The following KIF1B variants were observed in gnomAD, a reference collection of about 807,000 sequenced individuals.
KIF1B encodes the protein kinesin-like protein KIF1B.
KIF1B carries 76 observed loss-of-function variants against 241.9 expected under a neutral mutation model. The ratio of observed to expected loss-of-function variants is 0.31; its 90% CI spans 0.26 to 0.38. The LOEUF is 0.38. Ranked by LOEUF, KIF1B falls within the 10% of genes least tolerant of loss-of-function variation. The pLI is 1.00. For synonymous variants in KIF1B, 750 were observed against 796.7 expected (o/e 0.94, Z 0.99); for missense variants, 1,622 against 2,271.4 (o/e 0.71, Z 5.81).
chr1:10,305,397 A>G (rs150552159), intron 22 of KIF1B: 335 of 1,054,160 alleles, frequency 3.2e-4, no homozygotes, highest in Middle Eastern at 4.3e-4. Flanking sequence ...TTGAAGTTCA[A>G]TGTATCATTT....
chr1:10,290,283 T>C (rs1649928489), intron 15 of KIF1B, among the ~76,000 whole-genome samples: 1 of 152,150 alleles, frequency 6.6e-6, no homozygotes, highest in Non-Finnish European at 1.5e-5. Flanking sequence ...TTTTAAACCC[T>C]GTATGCATTA....
chr1:10,350,228 G>C (rs1652740787), intron 37 of KIF1B, among the ~76,000 whole-genome samples: 1 of 151,574 alleles, frequency 6.6e-6, no homozygotes, highest in Non-Finnish European at 1.5e-5. Context: ...GACAGAGGTT[G>C]CAGTGAGCCA....
intron 2 of KIF1B, among the ~76,000 whole-genome samples, chr1:10,233,486 A>G (rs548610011): frequency 2.6e-4 from 39 of 152,228 alleles, no homozygotes; most frequent in Admixed American, 6.5e-4. Context: ...CTTCAAAAAA[A>G]GGGTCTGTTT....
At chr1:10,324,191 G>T in intron 25 of KIF1B, 129 bp downstream of exon 25, 1 of 900,132 alleles carries the variant, frequency 1.1e-6, no homozygotes, top group South Asian at 1.4e-5. Flanking sequence ...TCTAAATGCT[G>T]TTGTTGGCCA....
intron 17 of KIF1B, among the ~76,000 whole-genome samples, 190 bp from the exon 18 acceptor site, chr1:10,294,896 T>G (rs1324232724): frequency 6.6e-6 from 1 of 152,136 alleles, no homozygotes; most frequent in Non-Finnish European, 1.5e-5. Context: ...TAGAATGCAC[T>G]TGGTTCCGTT....
chr1:10,340,708 G>A (rs1446583018), intron 32 of KIF1B, among the ~76,000 whole-genome samples: 1 of 152,146 alleles, frequency 6.6e-6, no homozygotes, highest in African/African-American at 2.4e-5. Flanking sequence ...CCCAGGATGG[G>A]GGGGTTGCAG....
At chr1:10,219,515 G>C (rs529355215) in intron 1 of KIF1B, among the ~76,000 whole-genome samples, 23 of 151,894 alleles carry the variant, frequency 1.5e-4, no homozygotes, top group African/African-American at 5.3e-4. Context: ...CCAGCACTTC[G>C]GGAGGCCGAG....
At chr1:10,370,333 C>A (rs949527091) in intron 44 of KIF1B, among the ~76,000 whole-genome samples, 2 of 151,910 alleles carry the variant, frequency 1.3e-5, no homozygotes, top group Non-Finnish European at 2.9e-5. Context: ...AGGTCAAGGT[C>A]GATGGATCTC....
intron 1 of KIF1B, among the ~76,000 whole-genome samples, chr1:10,223,081 G>A (rs1646865569): frequency 6.6e-6 from 1 of 152,106 alleles, no homozygotes; most frequent in African/African-American, 2.4e-5. Context: ...GTGAAACTCT[G>A]TCTCTACTAA....
At position 10,227,033 on chromosome 1, in the gene KIF1B, T is replaced by A. The variant is rs1646917614; in HGVS notation, c.-79-5217T>A. ...GGTTGATAAATAACGCAAGTCTCTCTTTTTTTTTTTTTTTTTTTTTTGAGA... is the reference window on the plus strand; with the variant it reads ...GGTTGATAAATAACGCAAGTCTCTCATTTTTTTTTTTTTTTTTTTTTGAGA... On this transcript the variant is annotated intron_variant, in intron 1 of 48. Coordinates refer to ENST00000676179, the MANE Select transcript of KIF1B (RefSeq NM_001365951.3). Among the ~76,000 whole-genome samples the A allele has an allele frequency of 2.6e-4, 7 of 26,624 alleles. No homozygotes were observed. The South Asian group carries it at 6.5e-3, about 25-fold the overall frequency. 17.5% of individuals were successfully genotyped at this position (26,624 alleles called of 152,430 possible).
At chr1:10,244,938 G>A (rs536052706) in intron 2 of KIF1B, among the ~76,000 whole-genome samples, 1 of 152,160 alleles carries the variant, frequency 6.6e-6, no homozygotes, top group Non-Finnish European at 1.5e-5. Flanking sequence ...GTTGCTCTAG[G>A]AGGCTTTTAG....
At chr1:10,277,048 T>G (rs1649151128) in intron 12 of KIF1B, among the ~76,000 whole-genome samples, 1 of 149,362 alleles carries the variant, frequency 6.7e-6, no homozygotes, top group Non-Finnish European at 1.5e-5. Flanking sequence ...GCCACTGCAC[T>G]CCAGCCTGGA....
At chr1:10,371,921 G>A (rs1451559645) in intron 45 of KIF1B, among the ~76,000 whole-genome samples, 1 of 152,058 alleles carries the variant, frequency 6.6e-6, no homozygotes. Context: ...GGGCGACAGA[G>A]CAAGACCCTG....
chr1:10,257,287 A>G (rs1311413889), intron 3 of KIF1B, among the ~76,000 whole-genome samples: 1 of 132,218 alleles, frequency 7.6e-6, no homozygotes, highest in Non-Finnish European at 1.6e-5. Flanking sequence ...GAAAGATGAT[A>G]CCGTGCCTCT....
chr1:10,234,891 C>CTT (rs947042515), intron 2 of KIF1B, among the ~76,000 whole-genome samples: 1 of 142,812 alleles, frequency 7.0e-6, no homozygotes, highest in African/African-American at 2.5e-5. Context: ...TTTTCTTTTT[C>CTT]TTTTTTTTTT....
At chr1:10,243,973 T>C (rs1292472529) in intron 2 of KIF1B, among the ~76,000 whole-genome samples, 1 of 152,204 alleles carries the variant, frequency 6.6e-6, no homozygotes, top group Non-Finnish European at 1.5e-5. Context: ...GTTTATTCAA[T>C]GTGTATGCTA....
In KIF1B at chr1:10,371,137, C is replaced by T. The variant is rs368866812; in HGVS notation, c.4825-4C>T. 1.9e-6 allele frequency: 3 copies of T among 1,614,024 alleles called. No individual in the cohort carries two copies. In the African/African-American group the frequency reaches 4.0e-5, roughly 22 times the overall value. ...GTAACTTGTAGTGTTCGGTTTGCTTCCAGTTGTCTGATATCTCTCCAATTG... is the reference window on the plus strand; with the variant it reads ...GTAACTTGTAGTGTTCGGTTTGCTTTCAGTTGTCTGATATCTCTCCAATTG... On this transcript the variant is annotated splice_region_variant and splice_polypyrimidine_tract_variant and intron_variant, in intron 44 of 48. Coordinates refer to ENST00000676179, the MANE Select transcript of KIF1B (RefSeq NM_001365951.3).
In KIF1B at chr1:10,365,641, C is replaced by T; in HGVS notation, c.4745C>T (p.Ala1582Val). ...CTGGTGGACCGAGAGAAAGAGCTGG[C>T]TACCAAGGTGTGAATCCCTTCCTCT... The part of the protein sequence containing the change: ...ESLVDREKEL[A>V]TKCLQLLTHT... The change falls in exon 43 of 49, where the codon GCT (alanine) becomes GTT (valine). Residue 1582 changes from alanine to valine, a missense_variant. Physicochemically the swap from Ala to Val is moderately conservative, Grantham distance 64 (BLOSUM62 0). Coordinates refer to ENST00000676179, the MANE Select transcript of KIF1B (RefSeq NM_001365951.3). This position sits in a 1 kb window ranked among gnomAD's most constrained non-coding sequence, Gnocchi z 4.0. 1 of 1,614,182 alleles carries T rather than the reference C, an allele frequency of 6.2e-7. No homozygotes were observed. Among genetic ancestry groups the T allele is most frequent in the South Asian group, 1.1e-5 (1 of 91,080 alleles).
At chr1:10,355,260 T>C (rs944557167) in intron 38 of KIF1B, 5 of 152,462 alleles carry the variant, frequency 3.3e-5, no homozygotes, top group African/African-American at 1.2e-4. Context: ...GAATTCACTT[T>C]GCTTATCAGC....
Sources: gnomAD v4.1 joint callset for allele counts (sites outside exome capture counted in the v4.1 genomes callset) on GRCh38, gnomAD v4.1.1 for gene constraint, Gnocchi (gnomAD v3.1) non-coding constraint, MANE v1.5 for transcripts, NCBI Gene and HGNC (gene_info 2026-07-23, HGNC 2026-07-21) for gene names.